Variants in DCX observed in about 807,000 individuals in gnomAD.
The protein encoded by DCX is doublecortin, also known as neuronal migration protein doublecortin.
Under a neutral mutation model 20.9 loss-of-function variants are expected in DCX, and 4 were observed. The observed-to-expected ratio is 0.19, with a 90% CI of 0.09 to 0.44. The LOEUF is 0.44. Ranked by LOEUF, DCX falls within the 20% of genes least tolerant of loss-of-function variation. The probability of loss-of-function intolerance (pLI) is 0.99; values close to 1 mark genes in which losing one functional copy is unlikely to be tolerated. For synonymous variants in DCX, 103 were observed against 111.4 expected, an observed-to-expected ratio of 0.92 and a Z score of 0.47; for missense variants, 133 against 296.9, an observed-to-expected ratio of 0.45 and a Z score of 4.06.
intron 3 of DCX, among the ~76,000 whole-genome samples, chrX:111,364,505 C>T (rs1924452145): frequency 1.8e-5 from 2 of 112,073 alleles, no homozygotes; most frequent in Admixed American, 1.9e-4. Flanking sequence ...TTCTGGAGGT[C>T]AGTTGATAGT....
intron 3 of DCX, among the ~76,000 whole-genome samples, chrX:111,351,705 A>G (rs929234271): frequency 4.5e-5 from 5 of 111,881 alleles, no homozygotes; most frequent in Non-Finnish European, 9.4e-5. Flanking sequence ...TTGGGAGATA[A>G]TTTAGTAAAT....
intron 5 of DCX, among the ~76,000 whole-genome samples, chrX:111,324,569 C>T (rs1048264127): frequency 7.2e-5 from 8 of 111,654 alleles, no homozygotes; most frequent in African/African-American, 2.3e-4. Flanking sequence ...CTTTTGTATG[C>T]CTCAGTTTCT....
chrX:111,374,441 G>T (rs987390476), intron 3 of DCX, among the ~76,000 whole-genome samples: 1 of 111,551 alleles, frequency 9.0e-6, no homozygotes, highest in African/African-American at 3.3e-5. Context: ...AAAACACTGT[G>T]GCATTATCTT....
intron 3 of DCX, among the ~76,000 whole-genome samples, chrX:111,394,378 C>A (rs1010599485): frequency 3.6e-5 from 4 of 111,501 alleles, no homozygotes; most frequent in Admixed American, 1.9e-4. Flanking sequence ...TACAGCGTTT[C>A]TTTTTGGGAT....
chrX:111,400,920 T>C (rs775272571), intron 3 of DCX, 70 bp downstream of exon 3: 2 of 955,114 alleles, frequency 2.1e-6, no homozygotes, highest in Non-Finnish European at 3.0e-6. Context: ...CAAGAAATGA[T>C]ATTTTAGGTA....
At chrX:111,379,898 G>T (rs1370675412) in intron 3 of DCX, among the ~76,000 whole-genome samples, 6 of 110,716 alleles carry the variant, frequency 5.4e-5, no homozygotes, top group African/African-American at 1.3e-4. Flanking sequence ...CAACCCTAAG[G>T]GTGTAAAGTG....
chrX:111,386,543 C>T (rs1451005331), intron 3 of DCX, among the ~76,000 whole-genome samples: 1 of 111,395 alleles, frequency 9.0e-6, no homozygotes, highest in Non-Finnish European at 1.9e-5. Flanking sequence ...CGTTAGGAAA[C>T]AGACTCTTCA....
intron 3 of DCX, among the ~76,000 whole-genome samples, chrX:111,390,658 T>G (rs896812841): frequency 8.1e-5 from 9 of 111,258 alleles, no homozygotes; most frequent in Admixed American, 7.7e-4. Flanking sequence ...AAAACAACAG[T>G]GACCTACTCA....
At chrX:111,312,934 C>T (rs2095060874) in intron 5 of DCX, among the ~76,000 whole-genome samples, 198 bp from the exon 6 acceptor site, 1 of 111,880 alleles carries the variant, frequency 8.9e-6, no homozygotes, top group Admixed American at 9.5e-5. Flanking sequence ...AATTGGATCC[C>T]TATGCAGTGC....
At position 111,300,625 on chromosome X, in the gene DCX, T is replaced by C. The variant is rs1288187188; in HGVS notation, c.*1062A>G. 1 of 111,203 alleles carries C rather than the reference T, an allele frequency of 9.0e-6. No individual in the cohort carries two copies. Among genetic ancestry groups the C allele is most frequent in the Non-Finnish European group, 1.9e-5 (1 of 52,955 alleles). 9.2% of individuals were successfully genotyped at this position (111,203 alleles called of 1,213,427 possible). Reference sequence around the variant, plus strand: ...CTACATTATTCTTCTGCTTTTTTTTTTTTTTTTGGTAAATTTTCTTCATGT... The same window carrying C: ...CTACATTATTCTTCTGCTTTTTTTTCTTTTTTTGGTAAATTTTCTTCATGT... On this transcript the variant is annotated 3_prime_UTR_variant, in exon 7 of 7. Coordinates refer to ENST00000636035, the MANE Select transcript of DCX (RefSeq NM_001195553.2).
rs1044845623 is a variant in DCX, at chrX:111,399,105, C to T, written c.705+1885G>A. Among the ~76,000 whole-genome samples, 36 of 110,736 alleles carry T rather than the reference C, an allele frequency of 3.3e-4. No individual in the cohort carries two copies. The Admixed American group carries it at 3.4e-3, about 10-fold the overall frequency. Reference sequence around the variant, plus strand: ...CTCCAGCCTGGGTGACAGAGTGAGACTCTGACTCCAAAAGTAAATAAATAA... The same window carrying T: ...CTCCAGCCTGGGTGACAGAGTGAGATTCTGACTCCAAAAGTAAATAAATAA... On this transcript the variant is annotated intron_variant, in intron 3 of 6. Transcript: ENST00000636035.
intron 3 of DCX, among the ~76,000 whole-genome samples, chrX:111,386,478 A>G (rs750610414): frequency 1.8e-5 from 2 of 111,301 alleles, no homozygotes; most frequent in African/African-American, 3.3e-5. Flanking sequence ...TATTTACATC[A>G]GTTCGTGTCT....
chrX:111,365,282 T>C (rs1344463642), intron 3 of DCX, among the ~76,000 whole-genome samples: 2 of 109,627 alleles, frequency 1.8e-5, no homozygotes, highest in Non-Finnish European at 3.8e-5. Context: ...ATTTATGTAA[T>C]TAAAAATTAA....
intron 5 of DCX, among the ~76,000 whole-genome samples, chrX:111,316,086 T>TAAAAAA (rs754058802): frequency 6.2e-3 from 315 of 50,453 alleles, no homozygotes; most frequent in Non-Finnish European, 9.7e-3. Context: ...TAATAAAAAA[T>TAAAAAA]AAAAAAAAAA....
chrX:111,310,436 G>T (rs956036641), intron 6 of DCX, among the ~76,000 whole-genome samples: 1 of 110,467 alleles, frequency 9.1e-6, no homozygotes, highest in African/African-American at 3.3e-5. Flanking sequence ...ATTATACATA[G>T]AGAGAGAGAA....
At chrX:111,396,644 C>T (rs756841599) in intron 3 of DCX, among the ~76,000 whole-genome samples, 20 of 112,264 alleles carry the variant, frequency 1.8e-4, no homozygotes, top group East Asian at 1.7e-3. Context: ...CACTTTTATG[C>T]ATGAAAGTCA....
At chrX:111,323,900 G>T (rs1453748331) in intron 5 of DCX, among the ~76,000 whole-genome samples, 1 of 111,307 alleles carries the variant, frequency 9.0e-6, no homozygotes, top group Non-Finnish European at 1.9e-5. Context: ...GGTCATAAGA[G>T]AAAGGAAAGG....
At chrX:111,362,172 G>A (rs1924261395) in intron 3 of DCX, among the ~76,000 whole-genome samples, 1 of 111,301 alleles carries the variant, frequency 9.0e-6, no homozygotes. Flanking sequence ...GGTGAAATGA[G>A]ATGGATGAAA....
At chrX:111,355,195 T>A (rs188420929) in intron 3 of DCX, among the ~76,000 whole-genome samples, 204 of 112,256 alleles carry the variant, frequency 1.8e-3, no homozygotes, top group African/African-American at 6.4e-3. Context: ...AGATTTTTTT[T>A]TAAATTGAAC....
Sources: allele counts gnomAD v4.1 joint callset (sites outside exome capture counted in the v4.1 genomes callset), GRCh38; gene constraint gnomAD v4.1.1; transcripts MANE v1.5; gene names NCBI Gene and HGNC (gene_info 2026-07-23, HGNC 2026-07-21).